Variants in NDRG2 observed in about 807,000 individuals in gnomAD.
NDRG2 encodes protein NDRG2.
NDRG2 carries 34 observed loss-of-function variants against 58.2 expected under a neutral mutation model. The ratio of observed to expected loss-of-function variants is 0.58; its 90% CI spans 0.44 to 0.78. The LOEUF (loss-of-function observed/expected upper bound fraction) is 0.78. Among genes scored for constraint, NDRG2 ranks in the 30% least tolerant of loss-of-function variants. NDRG2 has a pLI of 0.00. For synonymous variants in NDRG2, 187 were observed against 175.9 expected (o/e 1.06, Z -0.50); for missense variants, 434 against 471.2 (o/e 0.92, Z 0.73).
intron 1 of NDRG2, among the ~76,000 whole-genome samples, chr14:21,047,369 C>T (rs60367836): frequency 0.028 from 4,319 of 152,106 alleles, 207 homozygotes; most frequent in African/African-American, 0.098. Context: ...ATCCAAATGG[C>T]CTGGCCTATT....
Position 21,016,878 on chromosome 14 carries a change from C to T in NDRG2, c.*718G>A. On this transcript the variant is annotated 3_prime_UTR_variant, in exon 16 of 16. Coordinates refer to ENST00000556147, the MANE Select transcript of NDRG2 (RefSeq NM_001320329.2). Reference sequence around the variant, plus strand: ...AGAGCCCCAGGGTAGCCCTTTCCACCCTATGCCAAGCCCCAAGCAGCCCAG... The same window carrying T: ...AGAGCCCCAGGGTAGCCCTTTCCACTCTATGCCAAGCCCCAAGCAGCCCAG... The T allele has an allele frequency of 2.2e-6, 1 of 456,580 alleles. No homozygotes were observed. Among genetic ancestry groups the T allele is most frequent in the Non-Finnish European group, 4.4e-6 (1 of 226,800 alleles). 28.3% of individuals were successfully genotyped at this position (456,580 alleles called of 1,614,324 possible). A position where few individuals can be genotyped will look rare whatever the true frequency, so the allele number is the denominator to read the frequency against.
chr14:21,042,227 T>C (rs1884930297), intron 1 of NDRG2: 1 of 152,334 alleles, frequency 6.6e-6, no homozygotes, highest in South Asian at 2.1e-4. Flanking sequence ...GGTGTCCACG[T>C]ATTTGGGACA....
intron 1 of NDRG2, among the ~76,000 whole-genome samples, chr14:21,036,638 C>G (rs1403844909): frequency 1.3e-5 from 2 of 152,158 alleles, no homozygotes; most frequent in African/African-American, 4.8e-5. Context: ...GCATCTGCAT[C>G]CCTGCCTGCT....
intron 2 of NDRG2, 26 bp from the exon 3 acceptor site, chr14:21,022,931 C>A (rs1410725730): frequency 3.1e-6 from 5 of 1,613,736 alleles, no homozygotes; most frequent in Non-Finnish European, 4.2e-6. Context: ...CGGATTCACA[C>A]AGAAACACAT....
At chr14:21,038,372 T>C (rs1884748275) in intron 1 of NDRG2, among the ~76,000 whole-genome samples, 1 of 152,082 alleles carries the variant, frequency 6.6e-6, no homozygotes, top group African/African-American at 2.4e-5. Context: ...AAGAGAAAAA[T>C]AATACATACA....
intron 1 of NDRG2, chr14:21,043,449 G>A: frequency 6.3e-7 from 1 of 1,594,564 alleles, no homozygotes; most frequent in Non-Finnish European, 8.5e-7. Context: ...TGTACACTTG[G>A]ACAGAGTCCT....
Position 21,055,585 on chromosome 14 carries a change from G to A in NDRG2, c.24+15243C>T, listed in dbSNP as rs116358937. ...TTCCCAGGCCTCCCTGAGTGAGGCT[G>A]GCCAGCTGCATGGGCCAGTACCTAC... On this transcript the variant is annotated intron_variant, in intron 1 of 14. Coordinates refer to the NDRG2 transcript ENST00000403829. 1.4e-3 allele frequency among the ~76,000 whole-genome samples: 217 copies of A among 152,274 alleles called. 1 individual carries two copies. The highest frequency in any genetic ancestry group is 5.0e-3 in the African/African-American group (207 of 41,540).
At chr14:21,021,435 GCTCCCC>G in intron 6 of NDRG2, 1 of 312,842 alleles carries the variant, frequency 3.2e-6, no homozygotes, top group Non-Finnish European at 6.2e-6. Context: ...CACCCGCAGA[GCTCCCC>G]ATCCACCAGG....
intron 1 of NDRG2, among the ~76,000 whole-genome samples, chr14:21,057,004 A>G (rs1885703437): frequency 6.6e-6 from 1 of 152,146 alleles, no homozygotes; most frequent in South Asian, 2.1e-4. Context: ...CATTTTTTCT[A>G]ACTTCAGTGA....
chr14:21,055,595 A>G (rs1300759843), intron 1 of NDRG2, among the ~76,000 whole-genome samples: 1 of 152,162 alleles, frequency 6.6e-6, no homozygotes, highest in Non-Finnish European at 1.5e-5. Context: ...GGCCAGCTGC[A>G]TGGGCCAGTA....
At position 21,068,160 on chromosome 14, in the gene NDRG2, C is replaced by G. The variant is rs569307841; in HGVS notation, c.24+2668G>C. ...GACTACAGGCGCCCGCTACCACGCC[C>G]GGCTAATTTTTTGTATTTTTAGTAG... On this transcript the variant is annotated intron_variant, in intron 1 of 14. Coordinates refer to the NDRG2 transcript ENST00000403829. Among the ~76,000 whole-genome samples the G allele has an allele frequency of 1.0e-4, 5 of 49,254 alleles. 2 individuals are homozygous for G. The highest frequency in any genetic ancestry group is 3.0e-4 in the Non-Finnish European group (5 of 16,902). 32.3% of individuals were successfully genotyped at this position (49,254 alleles called of 152,430 possible).
chr14:21,049,695 C>CT (rs1322492812), intron 1 of NDRG2, among the ~76,000 whole-genome samples: 1 of 151,570 alleles, frequency 6.6e-6, no homozygotes, highest in Non-Finnish European at 1.5e-5. Flanking sequence ...AGAACTCGGG[C>CT]TTTTTTGAAC....
At chr14:21,056,206 G>A (rs1035669215) in intron 1 of NDRG2, among the ~76,000 whole-genome samples, 1 of 152,004 alleles carries the variant, frequency 6.6e-6, no homozygotes, top group Non-Finnish European at 1.5e-5. Context: ...ACACACTATC[G>A]CCGACCTGAG....
chr14:21,038,328 C>T lies in NDRG2; in HGVS notation c.25-15007G>A, dbSNP rs149267673. On this transcript the variant is annotated intron_variant, in intron 1 of 14. Coordinates refer to the NDRG2 transcript ENST00000403829. ...TGTGAAATGTGCAAAAGAAATGTAA[C>T]GGGTGGTCCTCATCTTGTGGGAATT... is the stretch of plus-strand genomic sequence containing the variant. Among the ~76,000 whole-genome samples, 456 of 152,250 alleles carry T rather than the reference C, an allele frequency of 3.0e-3. 2 individuals are homozygous for T. The highest frequency in any genetic ancestry group is 0.01 in the African/African-American group (434 of 41,548).
In NDRG2 at chr14:21,021,821, G is replaced by A. The variant is rs150510064; in HGVS notation, c.403C>T (p.Leu135=). The A allele has an allele frequency of 4.8e-4, 770 of 1,612,418 alleles. 1 individual carries two copies. The highest frequency in any genetic ancestry group is 6.1e-4 in the Non-Finnish European group (721 of 1,179,294). The change falls in exon 6 of 16, where the codon CTA becomes TTA. Residue 135 remains leucine, a synonymous_variant. Coordinates refer to ENST00000556147, the MANE Select transcript of NDRG2 (RefSeq NM_001320329.2). ...ADMIPCVLQY[L]NFSTIIGVGV... ...AGGGGTTCCCAGGCCTCTCACTTTA[G>A]GTACTGCAGGACGCAAGGGATCATG...
At chr14:21,018,880 G>T in intron 11 of NDRG2, 66 bp from the exon 12 acceptor site, 6 of 1,588,526 alleles carry the variant, frequency 3.8e-6, no homozygotes, top group Non-Finnish European at 5.2e-6. Context: ...CTCTGCCTAG[G>T]AGTGCAGCTG....
At chr14:21,019,825 T>C (rs1030843958) in intron 9 of NDRG2, 83 bp from the exon 10 acceptor site, 2 of 1,531,908 alleles carry the variant, frequency 1.3e-6, no homozygotes, top group African/African-American at 2.7e-5. Context: ...GCCTTCTTCC[T>C]TCCCCAAATC....
chr14:21,019,785 A>G, intron 9 of NDRG2, 43 bp from the exon 10 acceptor site: 1 of 1,535,272 alleles, frequency 6.5e-7, no homozygotes, highest in South Asian at 1.1e-5. Flanking sequence ...TGGAAAGAGA[A>G]AACAACAATT....
chr14:21,024,902 G>A lies in NDRG2; in HGVS notation c.-879C>T, dbSNP rs1438927473. 12 of 985,466 alleles carry A rather than the reference G, an allele frequency of 1.2e-5. No individual in the cohort carries two copies. The highest frequency in any genetic ancestry group is 4.7e-5 in the South Asian group (1 of 21,302). 61.0% of individuals were successfully genotyped at this position (985,466 alleles called of 1,614,324 possible). On this transcript the variant is annotated 5_prime_UTR_variant, in exon 1 of 16. Transcript: ENST00000556147. ...CTCAGCCTTTGTGCGCAGCAACCGA[G>A]CGCCCGCTCCGTGCTGGCCCTTTCC...
Sources: allele counts gnomAD v4.1 joint callset (sites outside exome capture counted in the v4.1 genomes callset), GRCh38; gene constraint gnomAD v4.1.1; transcripts MANE v1.5; gene names NCBI Gene and HGNC (gene_info 2026-07-23, HGNC 2026-07-21).